TELO2: variants seen among roughly 807,000 people sequenced by gnomAD.
TELO2 encodes the protein telomere length regulation protein TEL2 homolog.
TELO2 carries 71 observed loss-of-function variants against 91.0 expected under a neutral mutation model. The ratio of observed to expected loss-of-function variants is 0.78; its 90% CI spans 0.64 to 0.95. The LOEUF (loss-of-function observed/expected upper bound fraction) is 0.95, where lower values mean the gene tolerates loss of function less well. Among genes scored for constraint, TELO2 ranks in the 40% least tolerant of loss-of-function variants. The pLI is 0.00. For missense variants in TELO2, 1,183 were observed against 1,141.3 expected, an observed-to-expected ratio of 1.04 and a Z score of -0.53; for synonymous variants, 584 against 518.9, an observed-to-expected ratio of 1.13 and a Z score of -1.71.
In TELO2 at chr16:1,505,350, C is replaced by G; in HGVS notation, c.1843-60C>G. The G allele has an allele frequency of 2.6e-6, 4 of 1,551,764 alleles. No homozygotes were observed. The highest frequency in any genetic ancestry group is 2.6e-6 in the Non-Finnish European group (3 of 1,144,862). Reference sequence around the variant, plus strand: ...GTTTCTGGGGCTTTGGCTGACTTGACTCTTGGGAAATGTTCTTCCCTGGAG... The same window carrying G: ...GTTTCTGGGGCTTTGGCTGACTTGAGTCTTGGGAAATGTTCTTCCCTGGAG... On this transcript the variant is annotated intron_variant, in intron 15 of 20. Transcript: ENST00000262319. This position sits in a 1 kb window ranked among gnomAD's most constrained non-coding sequence, Gnocchi z 4.3.
chr16:1,505,712 G>A lies in TELO2; in HGVS notation c.2034+111G>A. ...CAGCGAGGGGCGGCCACATTCGCTG[G>A]GGATGGTGCCTTTGCCGGGATTCCT... On this transcript the variant is annotated intron_variant, in intron 16 of 20. Transcript: ENST00000262319. The surrounding 1 kb of genome is among the most constrained non-coding windows in gnomAD (Gnocchi z 4.3). 7.6e-7 allele frequency: 1 copy of A among 1,315,728 alleles called. No individual in the cohort carries two copies. Among genetic ancestry groups the A allele is most frequent in the Non-Finnish European group, 1.0e-6 (1 of 975,390 alleles). 81.5% of individuals were successfully genotyped at this position (1,315,728 alleles called of 1,614,324 possible). A position where few individuals can be genotyped will look rare whatever the true frequency, so the allele number is the denominator to read the frequency against.
At chr16:1,508,168 T>G (rs1399178387) in intron 20 of TELO2, among the ~76,000 whole-genome samples, 1 of 151,924 alleles carries the variant, frequency 6.6e-6, no homozygotes, top group African/African-American at 2.4e-5. Context: ...AGTCTTGCTC[T>G]GTCGCCCAGG....
chr16:1,506,861 GGGGCTCCCTC>G, intron 17 of TELO2, 81 bp from the exon 18 acceptor site: 2 of 1,462,144 alleles, frequency 1.4e-6, no homozygotes, highest in Non-Finnish European at 1.8e-6. Flanking sequence ...GGGGCTGTGT[GGGGCTCCCTC>G]GGTCTCCCAC....
In TELO2 at chr16:1,497,078, G is replaced by A. The variant is rs1213087591; in HGVS notation, c.656G>A (p.Gly219Glu). The A allele has an allele frequency of 7.4e-6, 12 of 1,614,056 alleles. No homozygotes were observed. Among genetic ancestry groups the A allele is most frequent in the Non-Finnish European group, 1.0e-5 (12 of 1,179,992 alleles). Residue 219 changes from glycine to glutamate, a missense_variant, in exon 4 of 21, where the codon GGG (glycine) becomes GAG (glutamate). Physicochemically the swap from Gly to Glu is moderately conservative, Grantham distance 98. Coordinates refer to ENST00000262319, the MANE Select transcript of TELO2 (RefSeq NM_016111.4). This position sits in a 1 kb window ranked among gnomAD's most constrained non-coding sequence, Gnocchi z 4.0. ...GTGTCCTTCGTGTCTCAGGTCCTTGGGAAAGCCTGTGTCCACGGGAGGCAG... is the reference window on the plus strand; with the variant it reads ...GTGTCCTTCGTGTCTCAGGTCCTTGAGAAAGCCTGTGTCCACGGGAGGCAG... ...SSVSFVSQVL[G>E]KACVHGRQQE... is the part of the protein sequence containing the mutation.
At position 1,507,061 on chromosome 16, in the gene TELO2, G is replaced by C. The variant is rs368189251; in HGVS notation, c.2226+10G>C. The C allele has an allele frequency of 1.9e-6, 3 of 1,599,804 alleles. No homozygotes were observed. The highest frequency in any genetic ancestry group is 2.6e-6 in the Non-Finnish European group (3 of 1,173,402). On this transcript the variant is annotated intron_variant, in intron 18 of 20. Coordinates refer to ENST00000262319, the MANE Select transcript of TELO2 (RefSeq NM_016111.4). ...GGCTGTTAACACCACGGTGAGCCGG[G>C]AGAGGTCGCCGGGCGCCGGCCTGTG...
chr16:1,506,102 C>T lies in TELO2; in HGVS notation c.2035-136C>T, dbSNP rs528461131. ...AACCCCATGGGGCCTGGGAGCTGGG[C>T]GGGGCCGGAAGAGTAGCCCGGGGAG... On this transcript the variant is annotated intron_variant, in intron 16 of 20. Transcript: ENST00000262319. The T allele has an allele frequency of 4.0e-5, 37 of 924,724 alleles. 1 individual carries two copies. The African/African-American group carries it at 4.7e-4, about 12-fold the overall frequency. The allele number at this position is 924,724 out of a possible 1,614,324, so 57.3% of individuals were successfully genotyped here. A position where few individuals can be genotyped will look rare whatever the true frequency, so the allele number is the denominator to read the frequency against.
intron 12 of TELO2, 21 bp from the exon 13 acceptor site, chr16:1,502,292 G>C: frequency 1.3e-6 from 2 of 1,588,724 alleles, no homozygotes; most frequent in Non-Finnish European, 1.7e-6. Context: ...GCTGACCGAG[G>C]CCTCTCTGGG....
rs1179181867 is a variant in TELO2 at position 1,500,469 on chromosome 16, A to C, written c.1125A>C (p.Glu375Asp). The change falls in exon 8 of 21, where the codon GAA becomes GAC. Residue 375 changes from glutamate to aspartate, a missense_variant. Physicochemically the swap from Glu to Asp is conservative, Grantham distance 45. Coordinates refer to ENST00000262319, the MANE Select transcript of TELO2 (RefSeq NM_016111.4). ...GCCTGGCGCAACTCGGGGAGCCGGAACTGCGGGACAGCCGGGATGGTGAGC... is the reference window on the plus strand; with the variant it reads ...GCCTGGCGCAACTCGGGGAGCCGGACCTGCGGGACAGCCGGGATGGTGAGC... Reference protein sequence around the residue: ...LICLAQLGEPELRDSRDELLA... With the variant: ...LICLAQLGEPDLRDSRDELLA... The C allele has an allele frequency of 3.7e-6, 6 of 1,610,992 alleles. No homozygotes were observed. Among genetic ancestry groups the C allele is most frequent in the Non-Finnish European group, 5.1e-6 (6 of 1,179,378 alleles).
Position 1,496,424 on chromosome 16 carries a change from T to C in TELO2, c.614-612T>C, listed in dbSNP as rs561096402. On this transcript the variant is annotated intron_variant, in intron 3 of 20. Coordinates refer to ENST00000262319, the MANE Select transcript of TELO2 (RefSeq NM_016111.4). ...GTCTTTTCCGAACGTAGCCCTAGGC[T>C]TGCAGCTGCTGCTGTGCATGGGCCC... Among the ~76,000 whole-genome samples the C allele has an allele frequency of 7.2e-5, 11 of 152,364 alleles. No homozygotes were observed. The East Asian group carries it at 2.1e-3, about 29-fold the overall frequency.
At chr16:1,507,843 G>A in intron 20 of TELO2, 127 bp downstream of exon 20, 1 of 394,150 alleles carries the variant, frequency 2.5e-6, no homozygotes, top group Non-Finnish European at 3.8e-6. Context: ...ATGTGTGTTG[G>A]CCCGGGGTGT....
chr16:1,501,001 C>T (rs1425474310), intron 9 of TELO2, among the ~76,000 whole-genome samples: 1 of 152,194 alleles, frequency 6.6e-6, no homozygotes, highest in Non-Finnish European at 1.5e-5. Context: ...GCAGTTTGTC[C>T]GGCCGGGGCT....
chr16:1,504,597 G>A (rs868458285), intron 15 of TELO2, among the ~76,000 whole-genome samples: 16 of 102,108 alleles, frequency 1.6e-4, no homozygotes, highest in East Asian at 6.3e-4. Context: ...TCGCTCTGTC[G>A]CCCAGGCTGG....
chr16:1,501,922 C>T (rs1246715327), intron 11 of TELO2, 125 bp from the exon 12 acceptor site: 2 of 1,477,800 alleles, frequency 1.4e-6, no homozygotes, highest in South Asian at 1.1e-5. Context: ...CTCCCAGCTC[C>T]ACCGTAGGCG....
intron 5 of TELO2, 127 bp from the exon 6 acceptor site, chr16:1,499,104 G>C: frequency 1.1e-6 from 1 of 881,786 alleles, no homozygotes; most frequent in Non-Finnish European, 1.8e-6. Flanking sequence ...GATGGAACCA[G>C]AGGCTCGTGG....
intron 3 of TELO2, among the ~76,000 whole-genome samples, 193 bp from the exon 4 acceptor site, chr16:1,496,843 T>C (rs1018988634): frequency 6.6e-6 from 1 of 152,212 alleles, no homozygotes; most frequent in Non-Finnish European, 1.5e-5. Flanking sequence ...TTTGAAAGGA[T>C]TGTGATTTGC....
chr16:1,504,551 C>T lies in TELO2; in HGVS notation c.1843-859C>T, dbSNP rs1464288334. Among the ~76,000 whole-genome samples, 320 of 79,298 alleles carry T rather than the reference C, an allele frequency of 4.0e-3. 4 individuals carry two copies. The highest frequency in any genetic ancestry group is 0.015 in the African/African-American group (284 of 18,532). 52.0% of individuals were successfully genotyped at this position (79,298 alleles called of 152,430 possible). ...ATGAGAACAACTCACCGTAACTGGT[C>T]TTTTTTTTTTTTTTTTTTTTTTTTG... On this transcript the variant is annotated intron_variant, in intron 15 of 20. Coordinates refer to ENST00000262319, the MANE Select transcript of TELO2 (RefSeq NM_016111.4).
At chr16:1,499,980 G>C in intron 6 of TELO2, 116 bp from the exon 7 acceptor site, 1 of 1,241,778 alleles carries the variant, frequency 8.1e-7, no homozygotes, top group Non-Finnish European at 1.1e-6. Flanking sequence ...CCCCATGCTT[G>C]TCCGTCTGCT....
intron 20 of TELO2, 115 bp downstream of exon 20, chr16:1,507,831 TG>T (rs2039961320): frequency 5.3e-6 from 3 of 570,324 alleles, no homozygotes; most frequent in Non-Finnish European, 7.6e-6. Context: ...TGTGTGTGTG[TG>T]ATGTGTGTTG....
At chr16:1,495,287 A>AG in intron 2 of TELO2, 59 bp from the exon 3 acceptor site, 1 of 1,487,732 alleles carries the variant, frequency 6.7e-7, no homozygotes, top group South Asian at 1.3e-5. Flanking sequence ...TCCTTGTGGC[A>AG]GGAAGGGGGC....
Sources: gnomAD v4.1 joint callset for allele counts (sites outside exome capture counted in the v4.1 genomes callset) on GRCh38, gnomAD v4.1.1 for gene constraint, Gnocchi (gnomAD v3.1) non-coding constraint, MANE v1.5 for transcripts, NCBI Gene and HGNC (gene_info 2026-07-23, HGNC 2026-07-21) for gene names.